The following PSMG2 variants were observed in gnomAD, a reference collection of about 807,000 sequenced individuals.
The protein encoded by PSMG2 is proteasome assembly chaperone 2, also known as CD40 ligand-activated specific transcript 3.
In PSMG2, 21 loss-of-function variants were observed where a neutral mutation model predicts 31.5. The ratio of observed to expected loss-of-function variants is 0.67; its 90% CI spans 0.47 to 0.96. The LOEUF is 0.96. PSMG2 is among the 40% of genes least tolerant of loss of function. The pLI, the probability that PSMG2 is intolerant of heterozygous loss-of-function variation, is 0.00. For synonymous variants in PSMG2, 120 were observed against 110.4 expected (o/e 1.09, Z -0.54); for missense variants, 318 against 321.2 (o/e 0.99, Z 0.08).
rs139816401 is a variant in PSMG2 at position 12,703,485 on chromosome 18, C to T, written c.57+321C>T. Among the ~76,000 whole-genome samples, 937 of 152,318 alleles carry T rather than the reference C, an allele frequency of 6.2e-3. 8 individuals carry two copies. The highest frequency in any genetic ancestry group is 0.02 in the Middle Eastern group (6 of 294). On this transcript the variant is annotated intron_variant, in intron 1 of 6. Transcript: ENST00000317615. ...AGTTTTATCCTAGAAAGTCTTTCTACGACTAGTTTTAGAATTAGTCTTAAG... is the reference window on the plus strand; with the variant it reads ...AGTTTTATCCTAGAAAGTCTTTCTATGACTAGTTTTAGAATTAGTCTTAAG...
Position 12,678,201 on chromosome 18 carries a change from A to T in PSMG2, c.-37+19428A>T, listed in dbSNP as rs370376860. ...ATTGTGGATGCACACAGAGGTGGAA[A>T]GGGAGGAAGGGATGTTGTAGCTCCA... On this transcript the variant is annotated intron_variant, in intron 1 of 6. Transcript: ENST00000585331. The T allele has an allele frequency of 5.2e-5, 84 of 1,614,058 alleles. No homozygotes were observed. Among genetic ancestry groups the T allele is most frequent in the Non-Finnish European group, 6.9e-5 (81 of 1,180,012 alleles).
rs1202337763 is a variant in PSMG2 at position 12,694,492 on chromosome 18, G to A, written c.-36-12058G>A. Among the ~76,000 whole-genome samples the A allele has an allele frequency of 4.6e-5, 7 of 152,262 alleles. No individual in the cohort carries two copies. In the South Asian group the frequency reaches 1.0e-3, roughly 23 times the overall value. ...AATCTGCCGATCTTTTAAGACCCAG[G>A]AAGAAAGTAATTCATCAGAGACCTG... On this transcript the variant is annotated intron_variant, in intron 1 of 6. Coordinates refer to the PSMG2 transcript ENST00000585331.
chr18:12,689,766 A>ATG (rs762583193), intron 1 of PSMG2, among the ~76,000 whole-genome samples: 1 of 151,068 alleles, frequency 6.6e-6, no homozygotes, highest in Non-Finnish European at 1.5e-5. Context: ...GAGCCAGTTT[A>ATG]TATATATATA....
upstream of PSMG2, chr18:12,702,760 C>G (rs547739594): frequency 2.1e-4 from 122 of 588,622 alleles, 1 homozygote; most frequent in African/African-American, 1.9e-3. Flanking sequence ...TGTTTTCAAA[C>G]AGTGGCGGAC....
intron 3 of PSMG2, among the ~76,000 whole-genome samples, chr18:12,715,417 G>A (rs1000790373): frequency 6.6e-5 from 10 of 152,214 alleles, no homozygotes; most frequent in African/African-American, 2.4e-4. Context: ...TTTGCTAAGG[G>A]ATTTTTTGGA....
At chr18:12,681,255 C>CTT (rs1568016341) in intron 1 of PSMG2, among the ~76,000 whole-genome samples, 8 of 114,796 alleles carry the variant, frequency 7.0e-5, no homozygotes, top group African/African-American at 1.3e-4. Flanking sequence ...AAAAGTAGAA[C>CTT]ATTTTTTTTT....
intron 1 of PSMG2, among the ~76,000 whole-genome samples, chr18:12,668,373 C>CTTGAGATCAGGAGT (rs922917618): frequency 6.6e-6 from 1 of 151,978 alleles, no homozygotes; most frequent in African/African-American, 2.4e-5. Flanking sequence ...GGGCAGATCA[C>CTTGAGATCAGGAGT]TTGAGATCAG....
chr18:12,675,761 C>T (rs556332441), intron 1 of PSMG2, among the ~76,000 whole-genome samples: 1 of 151,922 alleles, frequency 6.6e-6, no homozygotes, highest in Non-Finnish European at 1.5e-5. Context: ...CTCTGCCTCC[C>T]AGGTTCAAGC....
At chr18:12,711,048 C>T (rs1197473761) in intron 2 of PSMG2, among the ~76,000 whole-genome samples, 1 of 151,838 alleles carries the variant, frequency 6.6e-6, no homozygotes, top group Non-Finnish European at 1.5e-5. Context: ...TGCAGTGACC[C>T]GAGATCACAC....
chr18:12,666,979 A>G (rs2038816715), intron 1 of PSMG2, among the ~76,000 whole-genome samples: 1 of 152,166 alleles, frequency 6.6e-6, no homozygotes, highest in South Asian at 2.1e-4. Context: ...TTAAGCTAAT[A>G]TAAATCTCAA....
intron 1 of PSMG2, chr18:12,697,347 C>T (rs772165041): frequency 1.2e-6 from 2 of 1,613,368 alleles, no homozygotes; most frequent in African/African-American, 2.7e-5. Context: ...TGATTAGCAC[C>T]ATATGAATTG....
Position 12,707,461 on chromosome 18 carries a change from ATCT to A in PSMG2, c.229+746_229+748del, listed in dbSNP as rs570342495. ...TCAACTAAGTCTTATCCTCGTAGTCATCTTCTTCCATTATAGGATCCATAATAA... is the reference window on the plus strand; with the variant it reads ...TCAACTAAGTCTTATCCTCGTAGTCATCTTCCATTATAGGATCCATAATAA... On this transcript the variant is annotated intron_variant, in intron 2 of 6. Coordinates refer to ENST00000317615, the MANE Select transcript of PSMG2 (RefSeq NM_020232.5). Among the ~76,000 whole-genome samples, 293 of 152,304 alleles carry A rather than the reference ATCT, an allele frequency of 1.9e-3. 2 individuals are homozygous for A. The highest frequency in any genetic ancestry group is 0.013 in the South Asian group (64 of 4,826).
intron 1 of PSMG2, among the ~76,000 whole-genome samples, chr18:12,665,719 C>G (rs905499120): frequency 2.0e-5 from 3 of 151,938 alleles, no homozygotes; most frequent in Admixed American, 1.3e-4. Context: ...TTTTTTGAGA[C>G]AGAGTCTTGC....
At chr18:12,693,785 AAAAC>A (rs1568028562) in intron 1 of PSMG2, among the ~76,000 whole-genome samples, 1 of 152,202 alleles carries the variant, frequency 6.6e-6, no homozygotes, top group African/African-American at 2.4e-5. Flanking sequence ...CTGTCTGAAA[AAAAC>A]AAACAAAAAA....
chr18:12,688,422 T>A (rs940970897), intron 1 of PSMG2, among the ~76,000 whole-genome samples: 35 of 152,218 alleles, frequency 2.3e-4, no homozygotes, highest in African/African-American at 7.9e-4. Context: ...AATCTACAGA[T>A]CTTTGGTTAG....
intron 5 of PSMG2, among the ~76,000 whole-genome samples, chr18:12,722,760 C>T (rs1183233689): frequency 6.6e-6 from 1 of 152,146 alleles, no homozygotes; most frequent in Non-Finnish European, 1.5e-5. Flanking sequence ...TTCTTTTTAG[C>T]AGAAGACCAG....
rs2039048405 is a variant in PSMG2 at position 12,674,444 on chromosome 18, A to C, written c.-37+15671A>C. Reference sequence around the variant, plus strand: ...GCAGCAGAGCAAGACCTTGAGTTAAAAAAAAAAAAAAAAGGAAATTAAAAA... The same window carrying C: ...GCAGCAGAGCAAGACCTTGAGTTAACAAAAAAAAAAAAAGGAAATTAAAAA... On this transcript the variant is annotated intron_variant, in intron 1 of 6. Coordinates refer to the PSMG2 transcript ENST00000585331. 4 of 442,012 alleles carry C rather than the reference A, an allele frequency of 9.0e-6. No individual in the cohort carries two copies. The East Asian group carries it at 2.3e-4, about 26-fold the overall frequency. The allele number at this position is 442,012 out of a possible 1,614,324, so 27.4% of individuals were successfully genotyped here. A position where few individuals can be genotyped will look rare whatever the true frequency, so the allele number is the denominator to read the frequency against.
At chr18:12,660,837 T>C (rs1179668179) in intron 1 of PSMG2, among the ~76,000 whole-genome samples, 1 of 152,186 alleles carries the variant, frequency 6.6e-6, no homozygotes, top group Admixed American at 6.5e-5. Context: ...GTAATTAAGT[T>C]GAGGAAAGAT....
intron 1 of PSMG2, among the ~76,000 whole-genome samples, chr18:12,705,189 C>G (rs934093901): frequency 2.6e-5 from 4 of 151,902 alleles, no homozygotes; most frequent in Non-Finnish European, 5.9e-5. Flanking sequence ...CTCTGCCTCC[C>G]GAGTAGCTGG....
Sources: allele counts gnomAD v4.1 joint callset (sites outside exome capture counted in the v4.1 genomes callset), GRCh38; gene constraint gnomAD v4.1.1; transcripts MANE v1.5; gene names NCBI Gene and HGNC (gene_info 2026-07-23, HGNC 2026-07-21).